LATS1: variants seen among roughly 807,000 people sequenced by gnomAD.
LATS1 encodes serine/threonine-protein kinase LATS1.
LATS1 carries 25 observed loss-of-function variants against 106.6 expected under a neutral mutation model. The ratio of observed to expected loss-of-function variants is 0.23; its 90% CI spans 0.17 to 0.33. The LOEUF (loss-of-function observed/expected upper bound fraction) is 0.33, where lower values mean the gene tolerates loss of function less well. Among genes scored for constraint, LATS1 ranks in the 10% least tolerant of loss-of-function variants. LATS1 has a pLI of 1.00. For missense variants in LATS1, 1,040 were observed against 1,382.6 expected, an observed-to-expected ratio of 0.75 and a Z score of 3.93; for synonymous variants, 465 against 455.6, an observed-to-expected ratio of 1.02 and a Z score of -0.26.
Position 149,699,901 on chromosome 6 carries a change from C to G in LATS1, c.348+1878G>C, listed in dbSNP as rs562996713. Among the ~76,000 whole-genome samples the G allele has an allele frequency of 2.6e-5, 4 of 152,288 alleles. No homozygotes were observed. The South Asian group carries it at 8.3e-4, about 32-fold the overall frequency. ...CCTTTATAGCTATGTGATTTCATAA[C>G]TTCTCTTTGCTTAGCAATATGTAAA... On this transcript the variant is annotated intron_variant, in intron 2 of 7. Coordinates refer to ENST00000543571, the MANE Select transcript of LATS1 (RefSeq NM_004690.4).
At chr6:149,672,709 G>A (rs1362207622) in intron 7 of LATS1, among the ~76,000 whole-genome samples, 1 of 151,926 alleles carries the variant, frequency 6.6e-6, no homozygotes, top group Non-Finnish European at 1.5e-5. Flanking sequence ...ACTTTGGGAG[G>A]CCGAGGTGGG....
At chr6:149,708,943 G>A (rs1259899534) in intron 1 of LATS1, among the ~76,000 whole-genome samples, 4 of 152,126 alleles carry the variant, frequency 2.6e-5, no homozygotes, top group Admixed American at 2.6e-4. Flanking sequence ...GTCAACTTGT[G>A]CTTGGCAAAG....
At chr6:149,717,327 C>T (rs1472425291) in intron 1 of LATS1, among the ~76,000 whole-genome samples, 6 of 152,200 alleles carry the variant, frequency 3.9e-5, no homozygotes, top group Non-Finnish European at 7.3e-5. Context: ...CACACTCCTA[C>T]TCCATAAAGA....
chr6:149,683,084 T>A lies in LATS1; in HGVS notation c.2005A>T (p.Met669Leu). 1 of 1,610,104 alleles carries A rather than the reference T, an allele frequency of 6.2e-7. No individual in the cohort carries two copies. Among genetic ancestry groups the A allele is most frequent in the Non-Finnish European group, 8.5e-7 (1 of 1,178,186 alleles). Reference sequence around the variant, plus strand: ...GACATTTTAAAAGGTTTTACCCGCATCATTTCATTCTCTAATTGTTTTTTA... The same window carrying A: ...GACATTTTAAAAGGTTTTACCCGCAACATTTCATTCTCTAATTGTTTTTTA... ...HRKKQLENEM[M>L]RVGLSQDAQD... The change falls in exon 4 of 8, where the codon ATG becomes TTG. Residue 669 changes from methionine to leucine, a missense_variant. Around this residue, in one of 7 missense-constraint regions of LATS1, gnomAD observed 167 missense variants for 332.1 expected, o/e 0.50. Coordinates refer to ENST00000543571, the MANE Select transcript of LATS1 (RefSeq NM_004690.4).
At chr6:149,679,492 C>A (rs1013493538) in intron 5 of LATS1, among the ~76,000 whole-genome samples, 3 of 145,828 alleles carry the variant, frequency 2.1e-5, no homozygotes, top group Non-Finnish European at 3.0e-5. Context: ...GGGGATATTG[C>A]AGTGAGCCAA....
At position 149,718,038 on chromosome 6, in the gene LATS1, A is replaced by G. The variant is rs1784521963; in HGVS notation, c.-330T>C. On this transcript the variant is annotated 5_prime_UTR_variant, in exon 1 of 8. Coordinates refer to ENST00000543571, the MANE Select transcript of LATS1 (RefSeq NM_004690.4). ...AGGACCTGGCTCTCCCCTTAACACC[A>G]GGCCACCGCCGCCGCCGCCGCCATT... 3.0e-6 allele frequency: 1 copy of G among 334,806 alleles called. No individual in the cohort carries two copies. Among genetic ancestry groups the G allele is most frequent in the Admixed American group, 5.5e-5 (1 of 18,102 alleles). The allele number at this position is 334,806 out of a possible 1,614,324, so 20.7% of individuals were successfully genotyped here.
At chr6:149,662,884 G>A (rs982820444) in intron 7 of LATS1, among the ~76,000 whole-genome samples, 10 of 150,996 alleles carry the variant, frequency 6.6e-5, no homozygotes, top group Non-Finnish European at 1.5e-4. Context: ...AAGGATTCCT[G>A]GAGCCCAGGA....
chr6:149,704,928 A>AC (rs1582918935), intron 1 of LATS1, among the ~76,000 whole-genome samples: 1 of 141,348 alleles, frequency 7.1e-6, no homozygotes, highest in Non-Finnish European at 1.6e-5. Flanking sequence ...ACACACACAC[A>AC]ATTTGCAGCA....
At position 149,661,691 on chromosome 6, in the gene LATS1, C is replaced by A. The variant is rs371975408; in HGVS notation, c.*38G>T. 2.0e-6 allele frequency: 3 copies of A among 1,507,716 alleles called. No individual in the cohort carries two copies. Among genetic ancestry groups the A allele is most frequent in the Non-Finnish European group, 2.7e-6 (3 of 1,131,060 alleles). The allele number at this position is 1,507,716 out of a possible 1,614,324, so 93.4% of individuals were successfully genotyped here. On this transcript the variant is annotated 3_prime_UTR_variant, in exon 8 of 8. Transcript: ENST00000543571. ...CCTCAAAACACCTCGCATTTCAGGCCCTTTTACAAATCCTCATTACATTTA... is the reference window on the plus strand; with the variant it reads ...CCTCAAAACACCTCGCATTTCAGGCACTTTTACAAATCCTCATTACATTTA...
At chr6:149,673,332 C>T (rs755689207) in intron 7 of LATS1, among the ~76,000 whole-genome samples, 7 of 151,704 alleles carry the variant, frequency 4.6e-5, no homozygotes, top group Non-Finnish European at 1.0e-4. Context: ...ATTCTTGGCT[C>T]AAGCAATCCA....
chr6:149,717,676 G>T (rs1333791994), intron 1 of LATS1, 173 bp downstream of exon 1: 1 of 177,890 alleles, frequency 5.6e-6, no homozygotes, highest in Non-Finnish European at 1.2e-5. Flanking sequence ...CCAGGGCAGG[G>T]CTCAGCTCGG....
intron 1 of LATS1, among the ~76,000 whole-genome samples, chr6:149,714,650 G>C (rs984815851): frequency 3.1e-4 from 47 of 152,052 alleles, no homozygotes; most frequent in African/African-American, 1.1e-3. Context: ...TGAAAGGCAA[G>C]CAAAACCCCA....
chr6:149,675,976 GT>G, intron 7 of LATS1: 1 of 337,600 alleles, frequency 3.0e-6, no homozygotes, highest in African/African-American at 2.1e-5. Flanking sequence ...ATTCTGGTGA[GT>G]TCCTATACCC....
rs376503190 is a variant in LATS1, at chr6:149,683,947, G to A, written c.1142C>T (p.Ala381Val). The part of the protein sequence containing the change: ...QPPPPYPLTA[A>V]NGQSPSALQT... ...TAAAGCAGAAGGGCTTTGTCCATTA[G>A]CTGCTGTCAGAGGATATGGAGGTGG... The change falls in exon 4 of 8, where the codon GCT (alanine) becomes GTT (valine). Residue 381 changes from alanine to valine, a missense_variant. By Grantham distance (64) the Ala-to-Val change is moderately conservative. Around this residue, in one of 7 missense-constraint regions of LATS1, gnomAD observed 624 missense variants for 714.8 expected, o/e 0.87. Coordinates refer to ENST00000543571, the MANE Select transcript of LATS1 (RefSeq NM_004690.4). 2 of 1,614,116 alleles carry A rather than the reference G, an allele frequency of 1.2e-6. No individual in the cohort carries two copies. The highest frequency in any genetic ancestry group is 2.7e-5 in the African/African-American group (2 of 74,934).
At chr6:149,706,816 G>C (rs1053564974) in intron 1 of LATS1, among the ~76,000 whole-genome samples, 24 of 152,114 alleles carry the variant, frequency 1.6e-4, no homozygotes, top group Non-Finnish European at 4.4e-5. Flanking sequence ...AACTGGCCTT[G>C]CTAATGCCTT....
intron 7 of LATS1, among the ~76,000 whole-genome samples, chr6:149,663,405 G>A (rs1780980061): frequency 6.6e-6 from 1 of 151,894 alleles, no homozygotes; most frequent in African/African-American, 2.4e-5. Context: ...GCCCAGGGAG[G>A]TCGAGGCTAG....
In LATS1 at chr6:149,679,984, A is replaced by C; in HGVS notation, c.2484T>G (p.Asp828Glu). ...SVHKMGFIHR[D>E]IKPDNILIDR... ...CAATCAAAATATTATCAGGTTTAAT[A>C]TCTCTATGAATAAAACCCATTTTAT... Residue 828 changes from aspartate (D) to glutamate (E), a missense_variant, in exon 5 of 8, where the codon GAT (aspartate) becomes GAG (glutamate). By Grantham distance (45) the Asp-to-Glu change is conservative. Around this residue, in one of 7 missense-constraint regions of LATS1, gnomAD observed 167 missense variants for 332.1 expected, o/e 0.50. Coordinates refer to ENST00000543571, the MANE Select transcript of LATS1 (RefSeq NM_004690.4). 1 of 1,613,812 alleles carries C rather than the reference A, an allele frequency of 6.2e-7. No homozygotes were observed.
At chr6:149,695,676 G>GAGA (rs1308210617) in intron 2 of LATS1, among the ~76,000 whole-genome samples, 1 of 134,168 alleles carries the variant, frequency 7.5e-6, no homozygotes, top group African/African-American at 2.7e-5. Flanking sequence ...TGCTGTCTTG[G>GAGA]AAAAAAAAAA....
chr6:149,663,123 T>C (rs1301800182), intron 7 of LATS1, among the ~76,000 whole-genome samples: 2 of 152,152 alleles, frequency 1.3e-5, no homozygotes, highest in Non-Finnish European at 2.9e-5. Flanking sequence ...CCAAGTACGA[T>C]ATTAAATGGA....
Sources: gnomAD v4.1 joint callset for allele counts (sites outside exome capture counted in the v4.1 genomes callset) on GRCh38, gnomAD v4.1.1 for gene constraint, gnomAD v4.1.1 regional missense constraint, MANE v1.5 for transcripts, NCBI Gene and HGNC (gene_info 2026-07-23, HGNC 2026-07-21) for gene names.